Variants in ATXN10 observed in about 807,000 individuals in gnomAD.
The protein encoded by ATXN10 is ataxin-10.
ATXN10 carries 28 observed loss-of-function variants against 52.9 expected under a neutral mutation model. That is an observed-to-expected ratio of 0.53 (90% CI 0.39 to 0.73). The LOEUF is 0.73. ATXN10 is among the 30% of genes least tolerant of loss of function. The probability of loss-of-function intolerance (pLI) is 0.00; values close to 1 mark genes in which losing one functional copy is unlikely to be tolerated. For missense variants in ATXN10, 565 were observed against 577.0 expected (o/e 0.98, Z 0.21); for synonymous variants, 226 against 221.5 (o/e 1.02, Z -0.18).
rs1441290037 is a variant in ATXN10 at position 45,759,510 on chromosome 22, A to G, written c.1173+18972A>G. On this transcript the variant is annotated intron_variant, in intron 9 of 11. Transcript: ENST00000252934. This position sits in a 1 kb window ranked among gnomAD's most constrained non-coding sequence, Gnocchi z 5.4. ...CTGGGCAGAGCAAGACTCCGTGTCA[A>G]ACAAACAAACAAAAAAGATTCTAGA... Among the ~76,000 whole-genome samples the G allele has an allele frequency of 6.6e-6, 1 of 152,146 alleles. No individual in the cohort carries two copies. Among genetic ancestry groups the G allele is most frequent in the African/African-American group, 2.4e-5 (1 of 41,446 alleles).
chr22:45,719,115 A>G (rs1924556140), intron 6 of ATXN10, among the ~76,000 whole-genome samples: 2 of 151,998 alleles, frequency 1.3e-5, no homozygotes, highest in South Asian at 4.2e-4. Context: ...TGACCTGTAA[A>G]TTAAGGAGAT....
chr22:45,782,343 C>T (rs1301206071), intron 9 of ATXN10, among the ~76,000 whole-genome samples: 1 of 152,158 alleles, frequency 6.6e-6, no homozygotes, highest in Non-Finnish European at 1.5e-5. Flanking sequence ...TCGTGTCCAC[C>T]AAAAGCCATG....
chr22:45,766,880 C>T lies in ATXN10; in HGVS notation c.1173+26342C>T, dbSNP rs994861378. On this transcript the variant is annotated intron_variant, in intron 9 of 11. Coordinates refer to ENST00000252934, the MANE Select transcript of ATXN10 (RefSeq NM_013236.4). The surrounding 1 kb of genome is among the most constrained non-coding windows in gnomAD (Gnocchi z 4.6). The stretch of plus-strand genomic sequence containing the variant: ...TATGAATAGACAGTTTACAGAAAAA[C>T]GCAAAGGTGAAACAGTGCTCAACTT... 1.3e-5 allele frequency among the ~76,000 whole-genome samples: 2 copies of T among 152,086 alleles called. No individual in the cohort carries two copies. Among genetic ancestry groups the T allele is most frequent in the African/African-American group, 2.4e-5 (1 of 41,396 alleles).
intron 9 of ATXN10, among the ~76,000 whole-genome samples, chr22:45,806,705 A>G (rs973318461): frequency 6.6e-6 from 1 of 152,134 alleles, no homozygotes; most frequent in Non-Finnish European, 1.5e-5. Flanking sequence ...GAAGTGATCT[A>G]CTTAGATTCT....
At chr22:45,751,763 A>AAAAAAAAAAAAAAAATAATAAT in intron 9 of ATXN10, among the ~76,000 whole-genome samples, 40 of 66,586 alleles carry the variant, frequency 6.0e-4, no homozygotes, top group Middle Eastern at 9.1e-3. Flanking sequence ...AATAAAAAAA[A>AAAAAAAAAAAAAAAATAATAAT]AATAATAATA....
In ATXN10 at chr22:45,687,617, A is replaced by G. The variant is rs188992195; in HGVS notation, c.117-2095A>G. Among the ~76,000 whole-genome samples, 23 of 152,348 alleles carry G rather than the reference A, an allele frequency of 1.5e-4. No homozygotes were observed. The East Asian group carries it at 3.7e-3, about 24-fold the overall frequency. On this transcript the variant is annotated intron_variant, in intron 1 of 11. Transcript: ENST00000252934. ...TAAATGGCTTCAAAACTTCATGCAG[A>G]TGGGGCAAATAGAGGTGATTAGTTT...
chr22:45,699,680 C>T lies in ATXN10; in HGVS notation c.392-602C>T, dbSNP rs1240909992. Among the ~76,000 whole-genome samples, 7 of 151,288 alleles carry T rather than the reference C, an allele frequency of 4.6e-5. No homozygotes were observed. In the South Asian group the frequency reaches 8.4e-4, roughly 18 times the overall value. ...CTAATTTTTGTGTTTTCAGTAGTGA[C>T]GGGGTTTCATCACGTTGGCCAGGCT... On this transcript the variant is annotated intron_variant, in intron 3 of 11. Transcript: ENST00000252934.
intron 9 of ATXN10, among the ~76,000 whole-genome samples, chr22:45,806,443 T>C (rs1302470047): frequency 6.6e-6 from 1 of 152,236 alleles, no homozygotes; most frequent in Non-Finnish European, 1.5e-5. Flanking sequence ...ATATTAATCC[T>C]TTGCAAATAT....
intron 8 of ATXN10, 139 bp from the exon 9 acceptor site, chr22:45,740,230 A>C: frequency 2.5e-6 from 2 of 794,542 alleles, no homozygotes; most frequent in South Asian, 3.4e-5. Flanking sequence ...AGAGCCTTGT[A>C]ATCATTATTT....
intron 6 of ATXN10, among the ~76,000 whole-genome samples, chr22:45,722,280 A>G (rs1490189970): frequency 1.3e-5 from 2 of 152,204 alleles, no homozygotes; most frequent in South Asian, 4.1e-4. Context: ...TATATTTTCA[A>G]GGAAGAGATA....
At chr22:45,697,006 C>T (rs1029688023) in intron 3 of ATXN10, among the ~76,000 whole-genome samples, 1 of 152,100 alleles carries the variant, frequency 6.6e-6, no homozygotes, top group Non-Finnish European at 1.5e-5. Flanking sequence ...TAGGTAGTTG[C>T]ATTTGTATGA....
intron 10 of ATXN10, among the ~76,000 whole-genome samples, chr22:45,821,061 A>G (rs1928629911): frequency 6.6e-6 from 1 of 152,230 alleles, no homozygotes; most frequent in South Asian, 2.1e-4. Context: ...AGCTCAGAGA[A>G]TGATGACTCT....
intron 10 of ATXN10, among the ~76,000 whole-genome samples, chr22:45,808,614 T>C (rs1340048704): frequency 6.6e-6 from 1 of 152,234 alleles, no homozygotes; most frequent in Non-Finnish European, 1.5e-5. Context: ...ATGAAGCAGA[T>C]ACTATGATTA....
At chr22:45,782,998 A>G (rs750169956) in intron 9 of ATXN10, among the ~76,000 whole-genome samples, 1 of 152,248 alleles carries the variant, frequency 6.6e-6, no homozygotes, top group Non-Finnish European at 1.5e-5. Context: ...ACAATTTCAC[A>G]GACAGAAGAT....
In ATXN10 at chr22:45,843,957, G is replaced by T; in HGVS notation, c.*286G>T. ...TACTGTGACAGCAGATAATAAACCA[G>T]TCTCTTGGAGGGCACAACCCTTATT... On this transcript the variant is annotated 3_prime_UTR_variant, in exon 12 of 12. Transcript: ENST00000252934. This position sits in a 1 kb window ranked among gnomAD's most constrained non-coding sequence, Gnocchi z 4.5. The T allele has an allele frequency of 2.2e-6, 1 of 452,246 alleles. No individual in the cohort carries two copies. Among genetic ancestry groups the T allele is most frequent in the Non-Finnish European group, 4.0e-6 (1 of 251,726 alleles). The allele number at this position is 452,246 out of a possible 1,614,324, so 28.0% of individuals were successfully genotyped here.
At chr22:45,741,905 A>G (rs1925551396) in intron 9 of ATXN10, among the ~76,000 whole-genome samples, 2 of 152,180 alleles carry the variant, frequency 1.3e-5, no homozygotes, top group Non-Finnish European at 2.9e-5. Flanking sequence ...GTGAAAAGTC[A>G]GTTACAAAAT....
At chr22:45,741,056 A>T (rs1385983464) in intron 9 of ATXN10, among the ~76,000 whole-genome samples, 1 of 152,110 alleles carries the variant, frequency 6.6e-6, no homozygotes, top group Non-Finnish European at 1.5e-5. Flanking sequence ...AATGTGAGAG[A>T]ATGGTAAGAA....
rs560860979 is a variant in ATXN10 at position 45,696,686 on chromosome 22, C to T, written c.392-3596C>T. ...ATATCTTCTTTTGACTCCATGTCCC[C>T]GTCAGTCCAGTATCTCGTTTTTCTG... On this transcript the variant is annotated intron_variant, in intron 3 of 11. Transcript: ENST00000252934. The surrounding 1 kb of genome is among the most constrained non-coding windows in gnomAD (Gnocchi z 4.7). Among the ~76,000 whole-genome samples the T allele has an allele frequency of 6.6e-6, 1 of 152,218 alleles. No homozygotes were observed. Among genetic ancestry groups the T allele is most frequent in the Non-Finnish European group, 1.5e-5 (1 of 68,042 alleles).
Position 45,688,595 on chromosome 22 carries a change from C to T in ATXN10, c.117-1117C>T, listed in dbSNP as rs1371846467. On this transcript the variant is annotated intron_variant, in intron 1 of 11. Coordinates refer to ENST00000252934, the MANE Select transcript of ATXN10 (RefSeq NM_013236.4). This position sits in a 1 kb window ranked among gnomAD's most constrained non-coding sequence, Gnocchi z 4.0. ...AAGGAAAGACGTGTTTCCTCTGCCC[C>T]CGGAAAAGGGGCTTCCATAGGTGTC... 1.3e-5 allele frequency among the ~76,000 whole-genome samples: 2 copies of T among 152,168 alleles called. No individual in the cohort carries two copies. The highest frequency in any genetic ancestry group is 4.8e-5 in the African/African-American group (2 of 41,438).
Sources: allele counts gnomAD v4.1 joint callset (sites outside exome capture counted in the v4.1 genomes callset), GRCh38; gene constraint gnomAD v4.1.1; non-coding constraint Gnocchi (gnomAD v3.1); transcripts MANE v1.5; gene names NCBI Gene and HGNC (gene_info 2026-07-23, HGNC 2026-07-21).